The following PPM1E variants were observed in gnomAD, a reference collection of about 807,000 sequenced individuals.
The protein encoded by PPM1E is protein phosphatase, Mg2+/Mn2+ dependent 1E.
In PPM1E, 20 loss-of-function variants were observed where a neutral mutation model predicts 65.9. That is an observed-to-expected ratio of 0.30 (90% CI 0.21 to 0.44). PPM1E has a LOEUF of 0.44. Among genes scored for constraint, PPM1E ranks in the 20% least tolerant of loss-of-function variants. PPM1E has a pLI of 1.00. For missense variants in PPM1E, 713 were observed against 953.1 expected (o/e 0.75, Z 3.32); for synonymous variants, 352 against 374.9 (o/e 0.94, Z 0.70).
Position 58,949,831 on chromosome 17 carries a change from GAA to G in PPM1E, c.465-5816_465-5815del, listed in dbSNP as rs1354118679. 3.3e-5 allele frequency among the ~76,000 whole-genome samples: 5 copies of G among 152,058 alleles called. No individual in the cohort carries two copies. In the East Asian group the frequency reaches 7.7e-4, roughly 23 times the overall value. ...ATTCTCTTATTTTTTGCTTGTCCAG[GAA>G]AGATTTTATTTCTCCTTCATTTTTG... On this transcript the variant is annotated intron_variant, in intron 1 of 6. Transcript: ENST00000308249.
intron 1 of PPM1E, among the ~76,000 whole-genome samples, chr17:58,916,548 C>T (rs1408787824): frequency 2.0e-5 from 3 of 151,850 alleles, no homozygotes. Flanking sequence ...ATTGCTTGAG[C>T]CCAAGAGGTT....
chr17:58,866,114 A>C (rs1360281937), intron 1 of PPM1E, among the ~76,000 whole-genome samples: 1 of 152,222 alleles, frequency 6.6e-6, no homozygotes, highest in Non-Finnish European at 1.5e-5. Flanking sequence ...GCTAAATGCC[A>C]GAAAGTTGTA....
intron 3 of PPM1E, chr17:58,966,681 ATCTT>A (rs1247787260): frequency 2.6e-5 from 4 of 154,002 alleles, no homozygotes; most frequent in Non-Finnish European, 4.3e-5. Context: ...TTTTCTTGTT[ATCTT>A]TCTTTTCTTT....
chr17:58,929,822 C>T (rs551973333), intron 1 of PPM1E, among the ~76,000 whole-genome samples: 2 of 152,082 alleles, frequency 1.3e-5, no homozygotes, highest in African/African-American at 4.8e-5. Flanking sequence ...TAAGTTTTCA[C>T]AGAACCAATA....
In PPM1E at chr17:58,792,649, C is replaced by T. The variant is rs954564332; in HGVS notation, c.464+36188C>T. 2.0e-5 allele frequency among the ~76,000 whole-genome samples: 3 copies of T among 148,182 alleles called. No homozygotes were observed. In the Admixed American group the frequency reaches 2.0e-4, roughly 10 times the overall value. On this transcript the variant is annotated intron_variant, in intron 1 of 6. Coordinates refer to ENST00000308249, the MANE Select transcript of PPM1E (RefSeq NM_014906.5). ...CAAGCGTGAGCCACTGTGCCTGGCT[C>T]ATATCATAATTATATAATTTTTCAA... is the stretch of plus-strand genomic sequence containing the variant.
chr17:58,929,225 A>G (rs541622734), intron 1 of PPM1E, among the ~76,000 whole-genome samples: 2 of 152,286 alleles, frequency 1.3e-5, no homozygotes, highest in South Asian at 4.1e-4. Flanking sequence ...GGCTATATGA[A>G]TCCATTCATA....
chr17:58,909,930 T>TC (rs1392574075), intron 1 of PPM1E, among the ~76,000 whole-genome samples: 1 of 135,314 alleles, frequency 7.4e-6, no homozygotes, highest in Non-Finnish European at 1.6e-5. Flanking sequence ...TTTTCTTTTT[T>TC]TTTTTTTTTT....
intron 1 of PPM1E, among the ~76,000 whole-genome samples, chr17:58,892,116 G>A (rs530674260): frequency 2.0e-5 from 3 of 152,226 alleles, no homozygotes; most frequent in South Asian, 2.1e-4. Context: ...GATTACAGGT[G>A]TGAGCCACCG....
In PPM1E at chr17:58,949,120, T is replaced by G. The variant is rs1049787659; in HGVS notation, c.465-6529T>G. Among the ~76,000 whole-genome samples the G allele has an allele frequency of 3.9e-5, 6 of 152,252 alleles. No individual in the cohort carries two copies. In the South Asian group the frequency reaches 1.2e-3, roughly 31 times the overall value. On this transcript the variant is annotated intron_variant, in intron 1 of 6. Coordinates refer to ENST00000308249, the MANE Select transcript of PPM1E (RefSeq NM_014906.5). ...GTTGAAGTCCCCAGCTGTTATTGTA[T>G]TGGCATCTGTCTCTTCCTTTAGATC... is the stretch of plus-strand genomic sequence containing the variant.
chr17:58,941,033 TA>T (rs1371036380), intron 1 of PPM1E, among the ~76,000 whole-genome samples: 2 of 152,152 alleles, frequency 1.3e-5, no homozygotes, highest in Non-Finnish European at 2.9e-5. Flanking sequence ...AATGTAAATT[TA>T]AAAAACAACC....
At chr17:58,892,424 G>C (rs2051359186) in intron 1 of PPM1E, among the ~76,000 whole-genome samples, 1 of 151,988 alleles carries the variant, frequency 6.6e-6, no homozygotes, top group African/African-American at 2.4e-5. Flanking sequence ...AAAATTTAAA[G>C]TAGCTAGGAA....
intron 1 of PPM1E, among the ~76,000 whole-genome samples, chr17:58,763,836 A>G (rs1598555335): frequency 1.3e-5 from 2 of 152,058 alleles, no homozygotes; most frequent in East Asian, 3.9e-4. Flanking sequence ...TATGATCTTG[A>G]TTTAGGGCAT....
chr17:58,828,679 G>A (rs981675728), intron 1 of PPM1E, among the ~76,000 whole-genome samples: 1 of 152,092 alleles, frequency 6.6e-6, no homozygotes, highest in Non-Finnish European at 1.5e-5. Flanking sequence ...GGTCAGGCTG[G>A]TCTCGACCTC....
intron 1 of PPM1E, among the ~76,000 whole-genome samples, chr17:58,947,119 T>G (rs1471459173): frequency 1.4e-5 from 2 of 143,246 alleles, no homozygotes; most frequent in Non-Finnish European, 3.0e-5. Context: ...TGTTTTTTTT[T>G]TTTTTTTTTT....
At chr17:58,837,002 AGAGC>A (rs1367717855) in intron 1 of PPM1E, among the ~76,000 whole-genome samples, 2 of 143,030 alleles carry the variant, frequency 1.4e-5, no homozygotes, top group Non-Finnish European at 3.1e-5. Flanking sequence ...CCTGGGCGAC[AGAGC>A]GAAACTCCGT....
At chr17:58,881,061 C>G (rs887712717) in intron 1 of PPM1E, among the ~76,000 whole-genome samples, 1 of 152,098 alleles carries the variant, frequency 6.6e-6, no homozygotes, top group East Asian at 1.9e-4. Flanking sequence ...TTTGTTTAGT[C>G]TTGCTTTGTT....
intron 1 of PPM1E, among the ~76,000 whole-genome samples, chr17:58,839,601 A>G (rs2050697182): frequency 1.3e-5 from 2 of 152,214 alleles, no homozygotes; most frequent in African/African-American, 2.4e-5. Flanking sequence ...ATACTTGTAT[A>G]CTAACATTGA....
chr17:58,959,619 G>A (rs1451780315), intron 2 of PPM1E, among the ~76,000 whole-genome samples: 4 of 144,244 alleles, frequency 2.8e-5, no homozygotes, highest in African/African-American at 1.0e-4. Context: ...AAAAGGCCTT[G>A]ACCTCCCAAA....
intron 1 of PPM1E, among the ~76,000 whole-genome samples, chr17:58,794,134 A>G (rs1250291751): frequency 2.0e-5 from 3 of 152,152 alleles, no homozygotes; most frequent in Non-Finnish European, 4.4e-5. Flanking sequence ...TAGTAGAGAC[A>G]GGGTTTTGCC....
Sources: allele counts gnomAD v4.1 joint callset (sites outside exome capture counted in the v4.1 genomes callset), GRCh38; gene constraint gnomAD v4.1.1; transcripts MANE v1.5; gene names NCBI Gene and HGNC (gene_info 2026-07-23, HGNC 2026-07-21).